FUT9: variants seen among roughly 807,000 people sequenced by gnomAD.
FUT9 encodes the protein 4-galactosyl-N-acetylglucosaminide 3-alpha-L-fucosyltransferase 9.
In FUT9, 15 loss-of-function variants were observed where a neutral mutation model predicts 29.7. That is an observed-to-expected ratio of 0.51 (90% CI 0.34 to 0.78). FUT9 has a LOEUF of 0.78. Among genes scored for constraint, FUT9 ranks in the 30% least tolerant of loss-of-function variants. The pLI, the probability that FUT9 is intolerant of heterozygous loss-of-function variation, is 0.01. For synonymous variants in FUT9, 169 were observed against 153.7 expected (o/e 1.10, Z -0.74); for missense variants, 319 against 425.4 (o/e 0.75, Z 2.20).
chr6:96,200,781 C>T (rs1040271516), intron 2 of FUT9, among the ~76,000 whole-genome samples: 12 of 152,172 alleles, frequency 7.9e-5, no homozygotes, highest in Admixed American at 4.6e-4. Context: ...AAAAGAGACC[C>T]TTTCAGTAAG....
chr6:96,087,362 A>ATTT (rs55814316), intron 1 of FUT9, among the ~76,000 whole-genome samples: 2 of 96,628 alleles, frequency 2.1e-5, no homozygotes, highest in Non-Finnish European at 4.2e-5. Flanking sequence ...TTCCCCACAA[A>ATTT]TTTTTTTTTT....
At chr6:96,139,977 A>G (rs1166798171) in intron 2 of FUT9, among the ~76,000 whole-genome samples, 1 of 151,970 alleles carries the variant, frequency 6.6e-6, no homozygotes, top group Non-Finnish European at 1.5e-5. Flanking sequence ...TTGAATTTCT[A>G]CCCCCAAAAT....
At chr6:96,132,677 T>C (rs1304349717) in intron 2 of FUT9, among the ~76,000 whole-genome samples, 1 of 152,092 alleles carries the variant, frequency 6.6e-6, no homozygotes, top group Admixed American at 6.6e-5. Context: ...TGTTCTGTTT[T>C]TGGTGATTTA....
chr6:96,122,515 T>G (rs1772048490), intron 2 of FUT9, among the ~76,000 whole-genome samples: 2 of 152,232 alleles, frequency 1.3e-5, no homozygotes, highest in Admixed American at 6.5e-5. Context: ...CTAATCCGTA[T>G]GTACACATAA....
At chr6:96,084,576 C>T (rs764600296) in intron 1 of FUT9, among the ~76,000 whole-genome samples, 2 of 151,932 alleles carry the variant, frequency 1.3e-5, no homozygotes, top group African/African-American at 2.4e-5. Flanking sequence ...ACTGACTGTG[C>T]GAATACTCAG....
intron 1 of FUT9, among the ~76,000 whole-genome samples, 174 bp from the exon 2 acceptor site, chr6:96,113,865 A>G (rs1771861974): frequency 6.6e-6 from 1 of 152,012 alleles, no homozygotes; most frequent in African/African-American, 2.4e-5. Flanking sequence ...AAAAAAAAAA[A>G]AAAAAATTTA....
At chr6:96,195,329 AT>A (rs35656279) in intron 2 of FUT9, among the ~76,000 whole-genome samples, 25,681 of 152,132 alleles carry the variant, frequency 0.17, 2,483 homozygotes, top group East Asian at 0.24. Flanking sequence ...AATTGGTGTC[AT>A]TTGGTGGCAA....
intron 2 of FUT9, among the ~76,000 whole-genome samples, chr6:96,120,713 A>T (rs1395836747): frequency 7.6e-5 from 11 of 145,648 alleles, no homozygotes; most frequent in African/African-American, 1.3e-4. Flanking sequence ...CATTAAGCAC[A>T]TTTTTTTTTT....
chr6:96,143,693 T>C (rs556325212), intron 2 of FUT9, among the ~76,000 whole-genome samples: 1 of 152,278 alleles, frequency 6.6e-6, no homozygotes, highest in African/African-American at 2.4e-5. Flanking sequence ...CCAGTATTTG[T>C]CCAAAAAGAT....
At chr6:96,020,289 A>G (rs534585407) in intron 1 of FUT9, among the ~76,000 whole-genome samples, 1 of 152,284 alleles carries the variant, frequency 6.6e-6, no homozygotes, top group South Asian at 2.1e-4. Flanking sequence ...TAGACAATTG[A>G]CTGAAAAATA....
intron 2 of FUT9, among the ~76,000 whole-genome samples, chr6:96,178,145 A>G (rs1773239645): frequency 6.6e-6 from 1 of 152,156 alleles, no homozygotes; most frequent in African/African-American, 2.4e-5. Flanking sequence ...GAAGCAGGAA[A>G]AAGATAGGAA....
At chr6:96,060,530 C>A (rs1411700284) in intron 1 of FUT9, among the ~76,000 whole-genome samples, 7 of 150,568 alleles carry the variant, frequency 4.6e-5, no homozygotes, top group Non-Finnish European at 1.5e-5. Flanking sequence ...TAACTTTTTT[C>A]TTTTCTCTCT....
intron 2 of FUT9, 65 bp from the exon 3 acceptor site, chr6:96,203,083 A>G: frequency 8.3e-7 from 1 of 1,197,866 alleles, no homozygotes; most frequent in Non-Finnish European, 1.2e-6. Context: ...TATATCTCCA[A>G]TATATTTATG....
intron 2 of FUT9, among the ~76,000 whole-genome samples, chr6:96,175,105 C>G (rs1426486482): frequency 2.0e-5 from 3 of 150,402 alleles, no homozygotes; most frequent in Admixed American, 6.6e-5. Context: ...TTTCCTGGAG[C>G]TGGACTGAGA....
rs1417358055 is a variant in FUT9, at chr6:96,206,683, A to C, written c.*2448A>C. On this transcript the variant is annotated 3_prime_UTR_variant, in exon 3 of 3. Transcript: ENST00000302103. Reference sequence around the variant, plus strand: ...CACTGTGTTGGCCAGGCTGGTCTTGAACTCCTGACCTCAAATGATCCACTT... The same window carrying C: ...CACTGTGTTGGCCAGGCTGGTCTTGCACTCCTGACCTCAAATGATCCACTT... The C allele has an allele frequency of 1.8e-5, 3 of 162,778 alleles. No individual in the cohort carries two copies. Among genetic ancestry groups the C allele is most frequent in the Non-Finnish European group, 4.4e-5 (3 of 68,250 alleles). The allele number at this position is 162,778 out of a possible 1,614,324, so 10.1% of individuals were successfully genotyped here. A position where few individuals can be genotyped will look rare whatever the true frequency, so the allele number is the denominator to read the frequency against.
intron 1 of FUT9, among the ~76,000 whole-genome samples, chr6:96,070,211 G>A (rs1423944114): frequency 6.6e-6 from 1 of 152,038 alleles, no homozygotes; most frequent in Non-Finnish European, 1.5e-5. Flanking sequence ...TACTTAAAAT[G>A]TTTACATTCT....
chr6:96,188,314 T>A (rs1349051901), intron 2 of FUT9, among the ~76,000 whole-genome samples: 4 of 152,108 alleles, frequency 2.6e-5, no homozygotes, highest in African/African-American at 9.7e-5. Flanking sequence ...TTGCCCAGGC[T>A]AGAGTGCAGT....
intron 2 of FUT9, among the ~76,000 whole-genome samples, chr6:96,174,074 T>A (rs9373687): frequency 0.17 from 25,698 of 152,110 alleles, 2,495 homozygotes; most frequent in East Asian, 0.24. Flanking sequence ...ACAGGAAATA[T>A]GCAATCCTGT....
At chr6:96,169,204 A>G (rs754375409) in intron 2 of FUT9, among the ~76,000 whole-genome samples, 26 of 152,224 alleles carry the variant, frequency 1.7e-4, no homozygotes, top group Non-Finnish European at 1.3e-4. Context: ...AATATTGCCT[A>G]CAGAAATTCT....
Sources: allele counts gnomAD v4.1 joint callset (sites outside exome capture counted in the v4.1 genomes callset), GRCh38; gene constraint gnomAD v4.1.1; transcripts MANE v1.5; gene names NCBI Gene and HGNC (gene_info 2026-07-23, HGNC 2026-07-21).